The following RIC1 variants were observed in gnomAD, a reference collection of about 807,000 sequenced individuals.
The protein encoded by RIC1 is RIC1 partner of RAB6A GEF complex.
Under a neutral mutation model 169.0 loss-of-function variants are expected in RIC1, and 88 were observed. The observed-to-expected ratio is 0.52, with a 90% CI of 0.44 to 0.62. RIC1 has a LOEUF of 0.62. RIC1 is among the 20% of genes least tolerant of loss of function. The pLI, the probability that RIC1 is intolerant of heterozygous loss-of-function variation, is 0.00. For synonymous variants in RIC1, 790 were observed against 601.5 expected, an observed-to-expected ratio of 1.31 and a Z score of -4.59; for missense variants, 1,877 against 1,725.5, an observed-to-expected ratio of 1.09 and a Z score of -1.56.
chr9:5,632,166 G>T (rs1204683367), intron 1 of RIC1, among the ~76,000 whole-genome samples: 1 of 152,176 alleles, frequency 6.6e-6, no homozygotes, highest in Non-Finnish European at 1.5e-5. Context: ...CTGAAATTTT[G>T]TTAGGGCTCA....
chr9:5,704,016 C>T (rs920547225), intron 3 of RIC1, among the ~76,000 whole-genome samples: 1 of 150,084 alleles, frequency 6.7e-6, no homozygotes, highest in African/African-American at 2.5e-5. Flanking sequence ...TTCTCCATAT[C>T]CTCATCAACA....
chr9:5,673,533 G>GATATATATATATATAT (rs1424748579), intron 2 of RIC1, among the ~76,000 whole-genome samples: 3 of 60,716 alleles, frequency 4.9e-5, no homozygotes, highest in African/African-American at 4.1e-4. Context: ...AAAACATAAG[G>GATATATATATATATAT]AGATATATAT....
At chr9:5,726,915 A>T (rs1239320380) in intron 6 of RIC1, among the ~76,000 whole-genome samples, 1 of 152,226 alleles carries the variant, frequency 6.6e-6, no homozygotes, top group African/African-American at 2.4e-5. Flanking sequence ...GTTTCTGCTT[A>T]GAGATCTGCT....
At chr9:5,756,176 T>C in intron 15 of RIC1, 36 bp from the exon 16 acceptor site, 2 of 1,409,170 alleles carry the variant, frequency 1.4e-6, no homozygotes, top group South Asian at 3.3e-5. Context: ...GTAGTTATCT[T>C]GTTTTTATAA....
intron 12 of RIC1, among the ~76,000 whole-genome samples, chr9:5,750,229 C>G (rs575760764): frequency 6.6e-6 from 1 of 151,868 alleles, no homozygotes; most frequent in Admixed American, 6.6e-5. Context: ...AGGCCATGTT[C>G]CTTCTAAGAC....
At chr9:5,648,243 T>C (rs1188900565) in intron 1 of RIC1, among the ~76,000 whole-genome samples, 1 of 152,136 alleles carries the variant, frequency 6.6e-6, no homozygotes, top group East Asian at 1.9e-4. Context: ...CTCGGCCTCC[T>C]GAAGTGCTGA....
chr9:5,633,181 T>C (rs745643506), intron 1 of RIC1, among the ~76,000 whole-genome samples: 1 of 152,154 alleles, frequency 6.6e-6, no homozygotes, highest in Non-Finnish European at 1.5e-5. Context: ...TATGTGCTAA[T>C]CATGGAAAAA....
intron 1 of RIC1, among the ~76,000 whole-genome samples, chr9:5,643,595 G>T (rs34718042): frequency 0.03 from 4,586 of 152,064 alleles, 95 homozygotes; most frequent in Non-Finnish European, 0.046. Context: ...TTTATGCAAG[G>T]TGCTTAAAAA....
chr9:5,674,886 A>T (rs560939705), intron 2 of RIC1, among the ~76,000 whole-genome samples: 6 of 152,224 alleles, frequency 3.9e-5, no homozygotes, highest in Non-Finnish European at 8.8e-5. Context: ...CCTTGGCAAA[A>T]TAAACTTCTA....
rs138891425 is a variant in RIC1, at chr9:5,689,330, T to C, written c.253-629T>C. On this transcript the variant is annotated intron_variant, in intron 2 of 25. Coordinates refer to ENST00000414202, the MANE Select transcript of RIC1 (RefSeq NM_020829.4). ...CCTCCCAAAATACTGGGATTACAGGTGTGAGCCACCGCGCCCGGCCTACAA... is the reference window on the plus strand; with the variant it reads ...CCTCCCAAAATACTGGGATTACAGGCGTGAGCCACCGCGCCCGGCCTACAA... 1.4e-3 allele frequency among the ~76,000 whole-genome samples: 212 copies of C among 152,174 alleles called. 4 individuals carry two copies. In the East Asian group the frequency reaches 0.033, roughly 24 times the overall value.
At chr9:5,767,293 C>G (rs1826840710) in intron 21 of RIC1, among the ~76,000 whole-genome samples, 1 of 152,178 alleles carries the variant, frequency 6.6e-6, no homozygotes, top group Admixed American at 6.5e-5. Flanking sequence ...ATGCTGGAGA[C>G]TGAAACTGCT....
chr9:5,656,753 G>T, intron 2 of RIC1, 63 bp downstream of exon 2: 2 of 901,104 alleles, frequency 2.2e-6, no homozygotes, highest in South Asian at 1.6e-5. Flanking sequence ...ATTTAAATTT[G>T]ATTCTCTTAG....
At chr9:5,646,287 C>A (rs182985819) in intron 1 of RIC1, among the ~76,000 whole-genome samples, 1 of 152,014 alleles carries the variant, frequency 6.6e-6, no homozygotes, top group South Asian at 2.1e-4. Flanking sequence ...TGAGTTGTAA[C>A]GCTTCATGTA....
chr9:5,643,570 G>C (rs976141285), intron 1 of RIC1, among the ~76,000 whole-genome samples: 1 of 151,744 alleles, frequency 6.6e-6, no homozygotes, highest in African/African-American at 2.4e-5. Flanking sequence ...TTATTAAAAA[G>C]GGCAATTAGC....
At chr9:5,754,304 G>A (rs532651970) in intron 14 of RIC1, among the ~76,000 whole-genome samples, 1 of 152,214 alleles carries the variant, frequency 6.6e-6, no homozygotes. Flanking sequence ...ATGCTATATA[G>A]CACCCAGTTA....
chr9:5,716,007 A>G (rs1823219144), intron 4 of RIC1, among the ~76,000 whole-genome samples: 1 of 151,840 alleles, frequency 6.6e-6, no homozygotes, highest in South Asian at 2.1e-4. Context: ...ACAGCACGCT[A>G]ATTTTTTGTA....
Position 5,705,433 on chromosome 9 carries a change from T to C in RIC1, c.333-8463T>C, listed in dbSNP as rs563882900. On this transcript the variant is annotated intron_variant, in intron 3 of 25. Transcript: ENST00000414202. ...TGATGCTATTGTAAATGGAGTTGTT[T>C]TCTGAAATTTTTATTGCTAGCGTAG... is the stretch of plus-strand genomic sequence containing the variant. 5.9e-5 allele frequency among the ~76,000 whole-genome samples: 9 copies of C among 152,280 alleles called. No individual in the cohort carries two copies. The East Asian group carries it at 9.6e-4, about 16-fold the overall frequency.
At chr9:5,695,078 A>G (rs1821811666) in intron 3 of RIC1, among the ~76,000 whole-genome samples, 1 of 152,180 alleles carries the variant, frequency 6.6e-6, no homozygotes, top group African/African-American at 2.4e-5. Context: ...AAGCAGGGTA[A>G]GGGAATAGAG....
chr9:5,697,447 A>C (rs966184774), intron 3 of RIC1, among the ~76,000 whole-genome samples: 2 of 152,194 alleles, frequency 1.3e-5, no homozygotes, highest in Non-Finnish European at 2.9e-5. Flanking sequence ...GGTACCAGGT[A>C]CTCTATTAGT....
Sources: gnomAD v4.1 joint callset for allele counts (sites outside exome capture counted in the v4.1 genomes callset) on GRCh38, gnomAD v4.1.1 for gene constraint, MANE v1.5 for transcripts, NCBI Gene and HGNC (gene_info 2026-07-23, HGNC 2026-07-21) for gene names.